The following HECTD4 variants were observed in gnomAD, a reference collection of about 807,000 sequenced individuals.
HECTD4 encodes the protein probable E3 ubiquitin-protein ligase HECTD4.
Under a neutral mutation model 471.5 loss-of-function variants are expected in HECTD4, and 114 were observed. That is an observed-to-expected ratio of 0.24 (90% CI 0.21 to 0.28). The LOEUF is 0.28. HECTD4 is among the 10% of genes least tolerant of loss of function. The pLI is 1.00. For synonymous variants in HECTD4, 2,012 were observed against 2,256.0 expected (o/e 0.89, Z 3.07); for missense variants, 3,866 against 5,651.5 (o/e 0.68, Z 10.13).
At position 112,259,166 on chromosome 12, in the gene HECTD4, G is replaced by C. The variant is rs1348689618; in HGVS notation, c.2973C>G (p.Ile991Met). The change falls in exon 19 of 76, where the codon ATC (isoleucine) becomes ATG (methionine). Residue 991 changes from isoleucine (I) to methionine (M), a missense_variant. By Grantham distance (10) the Ile-to-Met change is conservative. Coordinates refer to ENST00000682272, the MANE Select transcript of HECTD4 (RefSeq NM_001388303.1). The stretch of plus-strand genomic sequence containing the variant: ...GCTGAGGCATCAGGGCATCCGCCAT[G>C]ATCAGAGTCTGTAAATTTGGATGCA... ...SLMHPNLQTLIMADALMPQLV... is the reference protein window; with the variant it reads ...SLMHPNLQTLMMADALMPQLV... The C allele has an allele frequency of 6.2e-7, 1 of 1,613,970 alleles. No homozygotes were observed. The highest frequency in any genetic ancestry group is 1.7e-5 in the Admixed American group (1 of 60,012).
intron 1 of HECTD4, among the ~76,000 whole-genome samples, chr12:112,337,763 T>C (rs2135722630): frequency 6.6e-6 from 1 of 152,358 alleles, no homozygotes; most frequent in South Asian, 2.1e-4. Flanking sequence ...TGTACTCCAT[T>C]ATTTCTTGTT....
Position 112,210,076 on chromosome 12 carries a change from T to C in HECTD4, c.7806A>G (p.Ala2602=), listed in dbSNP as rs1454860807. 3.1e-6 allele frequency: 5 copies of C among 1,613,920 alleles called. No homozygotes were observed. The highest frequency in any genetic ancestry group is 1.1e-5 in the South Asian group (1 of 91,094). The part of the protein sequence containing the change: ...DSDNDAGTSI[A]SDPGTHGPPC... ...GTGGCCCATGAGTGCCTGGGTCTGATGCAATACTGGTGCCAGCATCATTGT... is the reference window on the plus strand; with the variant it reads ...GTGGCCCATGAGTGCCTGGGTCTGACGCAATACTGGTGCCAGCATCATTGT... Residue 2602 remains alanine (A), a synonymous_variant, in exon 50 of 76, where the codon GCA becomes GCG. Coordinates refer to ENST00000682272, the MANE Select transcript of HECTD4 (RefSeq NM_001388303.1).
chr12:112,269,121 T>C (rs887489479), intron 13 of HECTD4, among the ~76,000 whole-genome samples: 1 of 151,816 alleles, frequency 6.6e-6, no homozygotes, highest in Admixed American at 6.6e-5. Context: ...GATCCGCCCG[T>C]CTCGGCCTCC....
intron 7 of HECTD4, among the ~76,000 whole-genome samples, chr12:112,290,858 CA>C (rs201183139): frequency 0.039 from 4,944 of 125,330 alleles, 499 homozygotes; most frequent in African/African-American, 0.15. Flanking sequence ...CAAAAAAAAA[CA>C]AAACAAAAAA....
At position 112,223,276 on chromosome 12, in the gene HECTD4, G is replaced by A. The variant is rs531299971; in HGVS notation, c.6970+3367C>T. Among the ~76,000 whole-genome samples the A allele has an allele frequency of 1.6e-4, 24 of 152,278 alleles. No individual in the cohort carries two copies. The South Asian group carries it at 5.0e-3, about 32-fold the overall frequency. On this transcript the variant is annotated intron_variant, in intron 44 of 75. Transcript: ENST00000682272. ...GGGAGAAGAGAAAACAGCTGAAACTGGGAGATTCTAGCTTCTGCAAGGGGG... is the reference window on the plus strand; with the variant it reads ...GGGAGAAGAGAAAACAGCTGAAACTAGGAGATTCTAGCTTCTGCAAGGGGG...
chr12:112,288,102 G>C (rs1443822218), intron 7 of HECTD4, among the ~76,000 whole-genome samples: 1 of 151,870 alleles, frequency 6.6e-6, no homozygotes, highest in Middle Eastern at 3.2e-3. Flanking sequence ...GCTGAAGCAG[G>C]TGGATCACTT....
At position 112,213,851 on chromosome 12, in the gene HECTD4, G is replaced by A. The variant is rs554365487; in HGVS notation, c.7466-1201C>T. Among the ~76,000 whole-genome samples, 59 of 151,280 alleles carry A rather than the reference G, an allele frequency of 3.9e-4. No homozygotes were observed. The highest frequency in any genetic ancestry group is 9.2e-4 in the Admixed American group (14 of 15,138). ...AGCCTAGGCAACACAGTGAGACCTC[G>A]TCTCTACAAAAAATACAGAAATTAG... On this transcript the variant is annotated intron_variant, in intron 48 of 75. Transcript: ENST00000682272. The surrounding 1 kb of genome is among the most constrained non-coding windows in gnomAD (Gnocchi z 4.0).
At chr12:112,362,027 C>T (rs1686441921) in intron 1 of HECTD4, among the ~76,000 whole-genome samples, 1 of 152,176 alleles carries the variant, frequency 6.6e-6, no homozygotes, top group Admixed American at 6.5e-5. Context: ...TTTGGGAGCA[C>T]TCTTCTAGTT....
chr12:112,172,795 C>T lies in HECTD4; in HGVS notation c.11661G>A (p.Val3887=). Residue 3887 remains valine (V), a synonymous_variant, in exon 67 of 76, where the codon GTG becomes GTA. Coordinates refer to ENST00000682272, the MANE Select transcript of HECTD4 (RefSeq NM_001388303.1). ...ASRKWTLEMD[V]ALVQYINQLC... is the part of the protein sequence containing the mutation. ...GCTGGTTGATGTACTGCACAAGTGC[C>T]ACGTCCATCTCCAGGGTCCACTTTC... 6.2e-7 allele frequency: 1 copy of T among 1,613,990 alleles called. No homozygotes were observed. The highest frequency in any genetic ancestry group is 8.5e-7 in the Non-Finnish European group (1 of 1,179,882).
At chr12:112,285,806 A>C (rs1414641178) in intron 7 of HECTD4, among the ~76,000 whole-genome samples, 4 of 151,968 alleles carry the variant, frequency 2.6e-5, no homozygotes, top group Non-Finnish European at 5.9e-5. Flanking sequence ...TTTCTACTTG[A>C]ACAGCCTCCT....
At chr12:112,270,755 T>G (rs1285865685) in intron 11 of HECTD4, among the ~76,000 whole-genome samples, 3 of 152,188 alleles carry the variant, frequency 2.0e-5, no homozygotes, top group Non-Finnish European at 4.4e-5. Flanking sequence ...AGCCCTGTTT[T>G]GTAGAGCAAT....
chr12:112,372,965 C>A, intron 1 of HECTD4, among the ~76,000 whole-genome samples: 1 of 151,878 alleles, frequency 6.6e-6, no homozygotes. Flanking sequence ...GCCATGTTGT[C>A]CAGGCTGGTC....
chr12:112,206,784 C>G (rs1314700666), intron 52 of HECTD4, among the ~76,000 whole-genome samples: 2 of 152,138 alleles, frequency 1.3e-5, no homozygotes, highest in Non-Finnish European at 2.9e-5. Context: ...GATCCGCCTG[C>G]CTTGGCTTCC....
chr12:112,217,150 G>A lies in HECTD4; in HGVS notation c.7120C>T (p.Arg2374Ter). Reference sequence around the variant, plus strand: ...AGGTGAGATGAGAACATGCAGGCTCGAACAGGCGGAAACACTCGCGAGGGG... The same window carrying A: ...AGGTGAGATGAGAACATGCAGGCTCAAACAGGCGGAAACACTCGCGAGGGG... Reference protein sequence around the residue: ...WSPSRVFPPVRACMFSSHLTS... With the variant: ...WSPSRVFPPV The change falls in exon 46 of 76, where the codon CGA (arginine) becomes TGA (stop). Residue 2374 changes from arginine (R) to a stop codon, truncating the protein, a stop_gained. Transcript: ENST00000682272. LOFTEE classifies it high-confidence loss of function. The A allele has an allele frequency of 6.4e-7, 1 of 1,570,684 alleles. No homozygotes were observed. The highest frequency in any genetic ancestry group is 2.3e-5 in the East Asian group (1 of 44,360).
chr12:112,250,141 T>A lies in HECTD4; in HGVS notation c.3950+3A>T. ...AAAAGTAAAACACTACACAGCAACA[T>A]ACTTTATACTTGGTCTAAATTGAGG... On this transcript the variant is annotated splice_donor_region_variant and intron_variant, in intron 25 of 75. Coordinates refer to ENST00000682272, the MANE Select transcript of HECTD4 (RefSeq NM_001388303.1). 1 of 1,603,612 alleles carries A rather than the reference T, an allele frequency of 6.2e-7. No individual in the cohort carries two copies. The highest frequency in any genetic ancestry group is 8.5e-7 in the Non-Finnish European group (1 of 1,170,908).
chr12:112,340,560 C>T (rs2036037316), intron 1 of HECTD4, among the ~76,000 whole-genome samples: 1 of 152,168 alleles, frequency 6.6e-6, no homozygotes. Flanking sequence ...GGGTAGAGAC[C>T]AGGGATGCTG....
At chr12:112,334,340 A>T (rs2035899417) in intron 1 of HECTD4, among the ~76,000 whole-genome samples, 1 of 151,684 alleles carries the variant, frequency 6.6e-6, no homozygotes, top group Non-Finnish European at 1.5e-5. Context: ...CAAGAAAAAA[A>T]AAACAATCCC....
In HECTD4 at chr12:112,210,145, G is replaced by A. The variant is rs762546257; in HGVS notation, c.7737C>T (p.Ser2579=). 7.4e-6 allele frequency: 12 copies of A among 1,614,018 alleles called. No individual in the cohort carries two copies. Among genetic ancestry groups the A allele is most frequent in the East Asian group, 4.5e-5 (2 of 44,884 alleles). ...CGAAAGGCAGGGCCTCAAAGTTAGCGCTGATCTCTTCTGCTAGGTCAGTGC... is the reference window on the plus strand; with the variant it reads ...CGAAAGGCAGGGCCTCAAAGTTAGCACTGATCTCTTCTGCTAGGTCAGTGC... ...DLCTDLAEEI[S]ANFEALPFAM... is the part of the protein sequence containing the mutation. Residue 2579 remains serine (S), a synonymous_variant, in exon 50 of 76, where the codon AGC becomes AGT. Coordinates refer to ENST00000682272, the MANE Select transcript of HECTD4 (RefSeq NM_001388303.1).
In HECTD4 at chr12:112,193,363, G is replaced by C; in HGVS notation, c.8955+106C>G. 7.4e-7 allele frequency: 1 copy of C among 1,351,834 alleles called. No individual in the cohort carries two copies. Among genetic ancestry groups the C allele is most frequent in the Non-Finnish European group, 1.0e-6 (1 of 972,470 alleles). The allele number at this position is 1,351,834 out of a possible 1,614,324, so 83.7% of individuals were successfully genotyped here. On this transcript the variant is annotated intron_variant, in intron 57 of 75. Transcript: ENST00000682272. The surrounding 1 kb of genome is among the most constrained non-coding windows in gnomAD (Gnocchi z 5.2). ...AGCTTCTAGGAAAAGGAAATCGAGAGGAATAGGGACTTGGAAGGGAAAGGG... is the reference window on the plus strand; with the variant it reads ...AGCTTCTAGGAAAAGGAAATCGAGACGAATAGGGACTTGGAAGGGAAAGGG...
Sources: allele counts gnomAD v4.1 joint callset (sites outside exome capture counted in the v4.1 genomes callset), GRCh38; gene constraint gnomAD v4.1.1; non-coding constraint Gnocchi (gnomAD v3.1); transcripts MANE v1.5; gene names NCBI Gene and HGNC (gene_info 2026-07-23, HGNC 2026-07-21).